Variants in COL14A1 observed in about 807,000 individuals in gnomAD.
COL14A1 encodes the protein collagen type XIV alpha 1 chain.
Under a neutral mutation model 230.3 loss-of-function variants are expected in COL14A1, and 136 were observed. That is an observed-to-expected ratio of 0.59 (90% confidence interval 0.51 to 0.68). COL14A1 has a LOEUF of 0.68. Ranked by LOEUF, COL14A1 falls within the 30% of genes least tolerant of loss-of-function variation. The pLI is 0.00. For missense variants in COL14A1, 1,976 were observed against 2,215.8 expected (o/e 0.89, Z 2.17); for synonymous variants, 792 against 784.1 (o/e 1.01, Z -0.17).
At chr8:120,346,865 T>G (rs1822535954) in intron 45 of COL14A1, among the ~76,000 whole-genome samples, 1 of 152,242 alleles carries the variant, frequency 6.6e-6, no homozygotes, top group Non-Finnish European at 1.5e-5. Context: ...TGCTTTGCAC[T>G]TAATAGGTAC....
At chr8:120,355,291 G>T (rs7832817) in intron 45 of COL14A1, among the ~76,000 whole-genome samples, 60,398 of 151,796 alleles carry the variant, frequency 0.4, 12,030 homozygotes, top group South Asian at 0.45. Context: ...CTCTACACTG[G>T]TATCTTGAGC....
chr8:120,343,530 G>C (rs1436677262), intron 44 of COL14A1, among the ~76,000 whole-genome samples: 1 of 152,204 alleles, frequency 6.6e-6, no homozygotes, highest in Non-Finnish European at 1.5e-5. Flanking sequence ...ATGGAGTTGA[G>C]ATCTGCACAG....
intron 40 of COL14A1, 53 bp downstream of exon 40, chr8:120,316,050 GT>G (rs1821218180): frequency 6.3e-7 from 1 of 1,581,564 alleles, no homozygotes; most frequent in African/African-American, 1.3e-5. Flanking sequence ...TTTTCACCAG[GT>G]CACTCTTATT....
At chr8:120,308,872 A>G (rs138594877) in intron 36 of COL14A1, among the ~76,000 whole-genome samples, 6 of 152,320 alleles carry the variant, frequency 3.9e-5, no homozygotes, top group Non-Finnish European at 7.3e-5. Flanking sequence ...GGTCCTCCTA[A>G]CACTCATCTC....
intron 45 of COL14A1, among the ~76,000 whole-genome samples, chr8:120,347,263 G>T (rs1822551901): frequency 6.6e-6 from 1 of 152,102 alleles, no homozygotes; most frequent in African/African-American, 2.4e-5. Flanking sequence ...ACGACCTTTG[G>T]AAATATGAAT....
rs1451831310 is a variant in COL14A1 at position 120,147,826 on chromosome 8, A to G, written c.-17A>G. 6.2e-7 allele frequency: 1 copy of G among 1,608,038 alleles called. No homozygotes were observed. Among genetic ancestry groups the G allele is most frequent in the Non-Finnish European group, 8.5e-7 (1 of 1,176,366 alleles). On this transcript the variant is annotated 5_prime_UTR_variant, in exon 2 of 48. It removes the in-frame stop codon of an upstream open reading frame in the 5' UTR. Coordinates refer to ENST00000297848, the MANE Select transcript of COL14A1 (RefSeq NM_021110.4). ...TCTAGGTGGCTGCTACACCCCATGTAAAAAGCGGAAAATAAAATGAAGATT... is the reference window on the plus strand; with the variant it reads ...TCTAGGTGGCTGCTACACCCCATGTGAAAAGCGGAAAATAAAATGAAGATT...
At chr8:120,232,411 C>T (rs2130820530) in intron 19 of COL14A1, among the ~76,000 whole-genome samples, 1 of 152,216 alleles carries the variant, frequency 6.6e-6, no homozygotes, top group Non-Finnish European at 1.5e-5. Context: ...AATGCTATCC[C>T]TCCCCTTGCC....
intron 26 of COL14A1, among the ~76,000 whole-genome samples, chr8:120,276,836 A>AT (rs1257717208): frequency 9.4e-6 from 1 of 106,296 alleles, no homozygotes; most frequent in East Asian, 3.1e-4. Flanking sequence ...AAGTATAATA[A>AT]TAAAAAAAAA....
chr8:120,227,641 C>T (rs913578979), intron 17 of COL14A1, among the ~76,000 whole-genome samples: 1 of 152,028 alleles, frequency 6.6e-6, no homozygotes, highest in Non-Finnish European at 1.5e-5. Flanking sequence ...AGTAAACACC[C>T]ATCAAATGGA....
At chr8:120,202,989 A>AAAATATATATATATATAT (rs1817299671) in intron 8 of COL14A1, among the ~76,000 whole-genome samples, 1 of 106,554 alleles carries the variant, frequency 9.4e-6, no homozygotes, top group African/African-American at 3.2e-5. Flanking sequence ...AATAATTTCA[A>AAAATATATATATATATAT]ATATATATAT....
chr8:120,131,838 CTTTTTT>C (rs1172286717), intron 1 of COL14A1, among the ~76,000 whole-genome samples: 4 of 68,948 alleles, frequency 5.8e-5, no homozygotes, highest in Non-Finnish European at 1.0e-4. Flanking sequence ...TTCTTCCTTT[CTTTTTT>C]TTTTTTTTTT....
At chr8:120,149,521 G>A (rs1401057059) in intron 2 of COL14A1, among the ~76,000 whole-genome samples, 1 of 152,124 alleles carries the variant, frequency 6.6e-6, no homozygotes, top group African/African-American at 2.4e-5. Flanking sequence ...CAGATTCTTA[G>A]AAACAAAGGG....
intron 23 of COL14A1, among the ~76,000 whole-genome samples, chr8:120,257,681 T>C (rs1243474528): frequency 6.6e-6 from 1 of 152,176 alleles, no homozygotes; most frequent in African/African-American, 2.4e-5. Context: ...GACTGTAATA[T>C]TGGCTACATA....
chr8:120,340,374 G>A (rs960892444), intron 42 of COL14A1, among the ~76,000 whole-genome samples: 9 of 152,164 alleles, frequency 5.9e-5, no homozygotes, highest in Non-Finnish European at 7.3e-5. Flanking sequence ...CCTGCACACT[G>A]TGGGATGAAA....
intron 5 of COL14A1, among the ~76,000 whole-genome samples, chr8:120,184,864 C>G (rs927206241): frequency 3.9e-5 from 6 of 152,152 alleles, no homozygotes; most frequent in Non-Finnish European, 8.8e-5. Flanking sequence ...AGAGGCCCAT[C>G]CACATTAGGG....
At chr8:120,243,838 C>T (rs755032517) in intron 19 of COL14A1, 41 bp from the exon 20 acceptor site, 35 of 1,601,764 alleles carry the variant, frequency 2.2e-5, no homozygotes, top group South Asian at 1.0e-4. Flanking sequence ...TCAGTGGAAA[C>T]GGGTCTCACT....
At chr8:120,333,775 T>G (rs556903096) in intron 42 of COL14A1, among the ~76,000 whole-genome samples, 2 of 152,350 alleles carry the variant, frequency 1.3e-5, no homozygotes, top group South Asian at 4.1e-4. Context: ...TTCTAGCTGC[T>G]AAAGGCCTCC....
At chr8:120,202,501 C>T (rs1214281417) in intron 8 of COL14A1, among the ~76,000 whole-genome samples, 1 of 152,108 alleles carries the variant, frequency 6.6e-6, no homozygotes, top group African/African-American at 2.4e-5. Context: ...ATAAAGAAAT[C>T]CTCCTTGTTT....
At chr8:120,137,311 A>G (rs1814748291) in intron 1 of COL14A1, among the ~76,000 whole-genome samples, 1 of 152,112 alleles carries the variant, frequency 6.6e-6, no homozygotes, top group Non-Finnish European at 1.5e-5. Context: ...AGGCAGTTAT[A>G]TCCTCTGTTA....
Sources: allele counts gnomAD v4.1 joint callset (sites outside exome capture counted in the v4.1 genomes callset), GRCh38; gene constraint gnomAD v4.1.1; transcripts MANE v1.5; gene names NCBI Gene and HGNC (gene_info 2026-07-23, HGNC 2026-07-21).